KCNJ6: variants seen among roughly 807,000 people sequenced by gnomAD.
The protein encoded by KCNJ6 is potassium inwardly rectifying channel subfamily J member 6.
In KCNJ6, 9 loss-of-function variants were observed where a neutral mutation model predicts 34.2. The ratio of observed to expected loss-of-function variants is 0.26; its 90% CI spans 0.16 to 0.46. KCNJ6 has a LOEUF of 0.46. KCNJ6 is among the 20% of genes least tolerant of loss of function. The pLI, the probability that KCNJ6 is intolerant of heterozygous loss-of-function variation, is 1.00. For missense variants in KCNJ6, 236 were observed against 531.3 expected (o/e 0.44, Z 5.46); for synonymous variants, 196 against 207.1 (o/e 0.95, Z 0.46).
intron 1 of KCNJ6, among the ~76,000 whole-genome samples, chr21:37,861,667 G>A (rs2055595566): frequency 2.0e-5 from 3 of 152,276 alleles, no homozygotes; most frequent in African/African-American, 7.2e-5. Context: ...GGAAGCCTGA[G>A]AGCATTTCCC....
chr21:37,794,813 A>C (rs2055233338), intron 2 of KCNJ6, among the ~76,000 whole-genome samples: 1 of 152,156 alleles, frequency 6.6e-6, no homozygotes, highest in Admixed American at 6.5e-5. Flanking sequence ...GTTGACAGGC[A>C]AACCACCATG....
intron 1 of KCNJ6, among the ~76,000 whole-genome samples, chr21:37,901,140 G>GTATTTTATT (rs1221412110): frequency 6.6e-6 from 1 of 152,148 alleles, no homozygotes; most frequent in Non-Finnish European, 1.5e-5. Flanking sequence ...TAAATTGACA[G>GTATTTTATT]TATTTTATTG....
At chr21:37,671,108 T>C (rs138864189) in intron 3 of KCNJ6, among the ~76,000 whole-genome samples, 1 of 152,314 alleles carries the variant, frequency 6.6e-6, no homozygotes, top group Non-Finnish European at 1.5e-5. Flanking sequence ...TGTTTGCTAC[T>C]GAGATGACTG....
intron 3 of KCNJ6, among the ~76,000 whole-genome samples, chr21:37,678,295 TA>T (rs1412114330): frequency 1.3e-5 from 2 of 152,234 alleles, no homozygotes; most frequent in Admixed American, 6.5e-5. Context: ...GGTAGCATTG[TA>T]AAAGGACTTC....
chr21:37,865,577 T>C (rs1037945031), intron 1 of KCNJ6, among the ~76,000 whole-genome samples: 1 of 152,220 alleles, frequency 6.6e-6, no homozygotes, highest in South Asian at 2.1e-4. Flanking sequence ...CCTTATAGCT[T>C]ATCTAATTAA....
chr21:37,667,310 G>GA (rs2054519419), intron 3 of KCNJ6, among the ~76,000 whole-genome samples: 2 of 152,028 alleles, frequency 1.3e-5, no homozygotes, highest in Admixed American at 6.6e-5. Context: ...TTGAATTGGA[G>GA]AATTCTCTAC....
In KCNJ6 at chr21:37,620,029, A is replaced by G. The variant is rs2054285349; in HGVS notation, c.*5130T>C. On this transcript the variant is annotated 3_prime_UTR_variant, in exon 4 of 4. Transcript: ENST00000609713. The stretch of plus-strand genomic sequence containing the variant: ...TTGTGAAGCAGTTGTCTCTTTGACA[A>G]CCGAAAAAAAAGAGTTATGTTATTT... 1 of 152,028 alleles carries G rather than the reference A, an allele frequency of 6.6e-6. No homozygotes were observed. The highest frequency in any genetic ancestry group is 2.4e-5 in the African/African-American group (1 of 41,374). The allele number at this position is 152,028 out of a possible 1,614,324, so 9.4% of individuals were successfully genotyped here. A position where few individuals can be genotyped will look rare whatever the true frequency, so the allele number is the denominator to read the frequency against.
chr21:37,829,768 C>T (rs2835998), intron 2 of KCNJ6, among the ~76,000 whole-genome samples: 37,168 of 152,180 alleles, frequency 0.24, 5,845 homozygotes, highest in East Asian at 0.49. Context: ...GAGTGAAATG[C>T]TCCATGGAGG....
rs146589674 is a variant in KCNJ6 at position 37,613,957 on chromosome 21, T to TA, written c.*11201_*11202insT. 41,435 of 151,862 alleles carry TA rather than the reference T, an allele frequency of 0.27. 6,054 individuals are homozygous for TA. The highest frequency in any genetic ancestry group is 0.33 in the South Asian group (1,606 of 4,802). The allele number at this position is 151,862 out of a possible 1,614,324, so 9.4% of individuals were successfully genotyped here. ...TCATCCATTTCCACAGATGTACCAT[T>TA]GTGGTTTGGCATATCACTCGTGGGG... On this transcript the variant is annotated 3_prime_UTR_variant, in exon 4 of 4. Coordinates refer to ENST00000609713, the MANE Select transcript of KCNJ6 (RefSeq NM_002240.5).
At chr21:37,886,197 T>G (rs1205458759) in intron 1 of KCNJ6, among the ~76,000 whole-genome samples, 1 of 152,174 alleles carries the variant, frequency 6.6e-6, no homozygotes, top group Non-Finnish European at 1.5e-5. Context: ...AAAGCTTATA[T>G]TTTTTAAAAA....
At chr21:37,769,796 C>G (rs1474980113) in intron 2 of KCNJ6, among the ~76,000 whole-genome samples, 1 of 152,120 alleles carries the variant, frequency 6.6e-6, no homozygotes, top group African/African-American at 2.4e-5. Context: ...GGTTCCTCCC[C>G]TCATGAATTA....
At chr21:37,741,413 A>G (rs2054940852) in intron 2 of KCNJ6, among the ~76,000 whole-genome samples, 1 of 152,102 alleles carries the variant, frequency 6.6e-6, no homozygotes, top group South Asian at 2.1e-4. Context: ...GAACCTTTCT[A>G]TTAAGATGGG....
chr21:37,800,305 G>C, intron 2 of KCNJ6, among the ~76,000 whole-genome samples: 1 of 152,166 alleles, frequency 6.6e-6, no homozygotes. Flanking sequence ...CAGGGTGTTG[G>C]AGAAAGGCCA....
chr21:37,836,796 G>T (rs1442416667), intron 2 of KCNJ6, among the ~76,000 whole-genome samples: 3 of 152,138 alleles, frequency 2.0e-5, no homozygotes, highest in African/African-American at 7.2e-5. Flanking sequence ...GTAGATGATG[G>T]GTTGATGGGT....
intron 1 of KCNJ6, among the ~76,000 whole-genome samples, chr21:37,890,451 G>C (rs529365052): frequency 6.6e-6 from 1 of 152,296 alleles, no homozygotes; most frequent in African/African-American, 2.4e-5. Flanking sequence ...GAGTTTTACA[G>C]TCAATTCACA....
chr21:37,619,570 C>T lies in KCNJ6; in HGVS notation c.*5589G>A, dbSNP rs1012060295. ...ATTAAACATGAGCTAGTTCCAGGTT[C>T]ACGTTCATCACCTTGATCAGTTGTA... is the stretch of plus-strand genomic sequence containing the variant. On this transcript the variant is annotated 3_prime_UTR_variant, in exon 4 of 4. Transcript: ENST00000609713. 5 of 152,206 alleles carry T rather than the reference C, an allele frequency of 3.3e-5. No individual in the cohort carries two copies. Among genetic ancestry groups the T allele is most frequent in the African/African-American group, 1.2e-4 (5 of 41,442 alleles). 9.4% of individuals were successfully genotyped at this position (152,206 alleles called of 1,614,324 possible).
At chr21:37,680,037 A>G (rs2054583868) in intron 3 of KCNJ6, among the ~76,000 whole-genome samples, 1 of 152,218 alleles carries the variant, frequency 6.6e-6, no homozygotes, top group East Asian at 1.9e-4. Context: ...TTGTATGTAT[A>G]TCAATGGCAT....
intron 3 of KCNJ6, among the ~76,000 whole-genome samples, chr21:37,662,711 T>A (rs2054495530): frequency 6.6e-6 from 1 of 152,230 alleles, no homozygotes; most frequent in Admixed American, 6.5e-5. Flanking sequence ...ATTAACTAAT[T>A]TACATTCCCA....
intron 3 of KCNJ6, among the ~76,000 whole-genome samples, chr21:37,651,196 T>C (rs2054431568): frequency 6.6e-6 from 1 of 151,526 alleles, no homozygotes; most frequent in Admixed American, 6.6e-5. Context: ...TACAGGGGGG[T>C]GGACAGAGAA....
Sources: gnomAD v4.1 joint callset for allele counts (sites outside exome capture counted in the v4.1 genomes callset) on GRCh38, gnomAD v4.1.1 for gene constraint, MANE v1.5 for transcripts, NCBI Gene and HGNC (gene_info 2026-07-23, HGNC 2026-07-21) for gene names.